Variants in TSPAN19 observed in about 807,000 individuals in gnomAD.
TSPAN19 encodes tetraspanin-19.
A neutral mutation model predicts 35.1 loss-of-function variants in TSPAN19; 44 were observed. The ratio of observed to expected loss-of-function variants is 1.25; its 90% CI spans 0.98 to 1.61. TSPAN19 has a LOEUF of 1.61. Ranked by LOEUF, TSPAN19 falls within the 40% of genes most tolerant of loss-of-function variation. TSPAN19 has a pLI of 0.00. For missense variants in TSPAN19, 290 were observed against 280.0 expected, an observed-to-expected ratio of 1.04 and a Z score of -0.26; for synonymous variants, 79 against 92.0, an observed-to-expected ratio of 0.86 and a Z score of 0.81.
At chr12:85,026,499 G>A (rs1877419784) in intron 4 of TSPAN19, among the ~76,000 whole-genome samples, 1 of 152,104 alleles carries the variant, frequency 6.6e-6, no homozygotes, top group Admixed American at 6.6e-5. Context: ...TCCTGGCACT[G>A]CCCTGGTAAG....
At chr12:85,033,138 T>C (rs904915006) in intron 1 of TSPAN19, among the ~76,000 whole-genome samples, 5 of 151,972 alleles carry the variant, frequency 3.3e-5, no homozygotes, top group Admixed American at 6.6e-5. Flanking sequence ...GAGAAGATGA[T>C]TTTGAGATGA....
Position 85,023,406 on chromosome 12 carries a change from A to G in TSPAN19, c.265-6T>C. The G allele has an allele frequency of 6.4e-7, 1 of 1,567,098 alleles. No individual in the cohort carries two copies. Among genetic ancestry groups the G allele is most frequent in the Non-Finnish European group, 8.7e-7 (1 of 1,154,246 alleles). On this transcript the variant is annotated splice_region_variant and splice_polypyrimidine_tract_variant and intron_variant, in intron 4 of 8. Coordinates refer to ENST00000532498, the MANE Select transcript of TSPAN19 (RefSeq NM_001100917.2). ...CATGTTATCAATACTGCATACTAAA[A>G]CAAAAGAAAAATAGAGATGATGACT...
intron 6 of TSPAN19, among the ~76,000 whole-genome samples, chr12:85,019,257 G>A (rs112297174): frequency 2.2e-4 from 34 of 152,000 alleles, no homozygotes; most frequent in African/African-American, 7.7e-4. Context: ...CAAAGCTATT[G>A]CACAGCAATC....
chr12:85,021,313 A>C (rs1459562271), intron 5 of TSPAN19, among the ~76,000 whole-genome samples: 1 of 152,026 alleles, frequency 6.6e-6, no homozygotes, highest in African/African-American at 2.4e-5. Flanking sequence ...ACTGGTGGGA[A>C]TATCACAGTA....
chr12:85,015,886 A>G lies in TSPAN19; in HGVS notation c.678+2T>C. ...CATTTTAACATATGAACAAAAGCTT[A>G]CCTCTGAAGTTAAAAGTCCAAAGTT... On this transcript the variant is annotated splice_donor_variant, in intron 8 of 8. Transcript: ENST00000532498. LOFTEE classifies it high-confidence loss of function. The G allele has an allele frequency of 1.9e-6, 3 of 1,539,492 alleles. No homozygotes were observed. Among genetic ancestry groups the G allele is most frequent in the Non-Finnish European group, 1.8e-6 (2 of 1,138,336 alleles).
intron 4 of TSPAN19, among the ~76,000 whole-genome samples, chr12:85,026,250 A>C (rs547881473): frequency 6.6e-6 from 1 of 152,288 alleles, no homozygotes; most frequent in South Asian, 2.1e-4. Flanking sequence ...CAAGAAGAAA[A>C]AAATCAAGGT....
At chr12:85,029,667 T>A in intron 3 of TSPAN19, 52 bp downstream of exon 3, 4 of 1,355,226 alleles carry the variant, frequency 3.0e-6, no homozygotes, top group Non-Finnish European at 4.0e-6. Flanking sequence ...TATACAACTG[T>A]TAAAAATTGA....
At chr12:85,027,424 C>G (rs747075942) in intron 4 of TSPAN19, among the ~76,000 whole-genome samples, 10 of 151,892 alleles carry the variant, frequency 6.6e-5, no homozygotes, top group Non-Finnish European at 1.3e-4. Context: ...GCACATGTAC[C>G]CTGAATATAC....
intron 4 of TSPAN19, among the ~76,000 whole-genome samples, chr12:85,025,011 A>T (rs1176587879): frequency 6.6e-6 from 1 of 152,160 alleles, no homozygotes; most frequent in Non-Finnish European, 1.5e-5. Context: ...AGAGAAAAAA[A>T]AATTCAGAGA....
chr12:85,023,627 A>G (rs1017788196), intron 4 of TSPAN19, among the ~76,000 whole-genome samples: 4 of 152,170 alleles, frequency 2.6e-5, no homozygotes, highest in Non-Finnish European at 5.9e-5. Context: ...AAGTGATAGT[A>G]ATTAATGAGC....
At chr12:85,017,388 T>C (rs949380712) in intron 7 of TSPAN19, 68 bp downstream of exon 7, 52 of 1,433,864 alleles carry the variant, frequency 3.6e-5, no homozygotes, top group Non-Finnish European at 4.6e-5. Context: ...CTCAGAATTC[T>C]AAATTGACTT....
chr12:85,024,930 T>G (rs1047820801), intron 4 of TSPAN19, among the ~76,000 whole-genome samples: 4 of 152,130 alleles, frequency 2.6e-5, no homozygotes, highest in Admixed American at 6.6e-5. Context: ...TTACACATAT[T>G]TTATACATCT....
chr12:85,023,449 T>G (rs1478175132), intron 4 of TSPAN19, 49 bp from the exon 5 acceptor site: 1 of 1,401,470 alleles, frequency 7.1e-7, no homozygotes, highest in Non-Finnish European at 9.8e-7. Flanking sequence ...TAATATATGT[T>G]TTGTATGCTC....
intron 1 of TSPAN19, among the ~76,000 whole-genome samples, chr12:85,030,577 T>C (rs912194795): frequency 2.0e-5 from 3 of 152,102 alleles, no homozygotes; most frequent in African/African-American, 7.2e-5. Context: ...GTATGTCTTA[T>C]ATACCATTGT....
At chr12:85,023,969 C>T (rs1030876213) in intron 4 of TSPAN19, among the ~76,000 whole-genome samples, 2 of 150,870 alleles carry the variant, frequency 1.3e-5, no homozygotes, top group Non-Finnish European at 2.9e-5. Context: ...TGTTGTCCAC[C>T]TAAAAAAAAG....
chr12:85,014,579 A>C, intron 8 of TSPAN19, 24 bp from the exon 9 acceptor site: 1 of 1,537,292 alleles, frequency 6.5e-7, no homozygotes. Flanking sequence ...GAACAATAAG[A>C]GATTAAAATT....
intron 5 of TSPAN19, among the ~76,000 whole-genome samples, chr12:85,020,707 T>C (rs1877074453): frequency 6.6e-6 from 1 of 152,040 alleles, no homozygotes; most frequent in African/African-American, 2.4e-5. Context: ...CCAAGAAGCA[T>C]CTGAACAGAC....
At chr12:85,019,493 T>G in intron 6 of TSPAN19, 133 bp downstream of exon 6, 1 of 572,002 alleles carries the variant, frequency 1.7e-6, no homozygotes, top group Non-Finnish European at 3.1e-6. Context: ...AGAATGCCCT[T>G]TTTGCCCAGT....
rs1263463533 is a variant in TSPAN19, at chr12:85,014,416, T to G, written c.*71A>C. 2 of 1,122,814 alleles carry G rather than the reference T, an allele frequency of 1.8e-6. No homozygotes were observed. The highest frequency in any genetic ancestry group is 5.2e-5 in the East Asian group (2 of 38,814). The allele number at this position is 1,122,814 out of a possible 1,614,324, so 69.6% of individuals were successfully genotyped here. A position where few individuals can be genotyped will look rare whatever the true frequency, so the allele number is the denominator to read the frequency against. On this transcript the variant is annotated 3_prime_UTR_variant, in exon 9 of 9. Coordinates refer to ENST00000532498, the MANE Select transcript of TSPAN19 (RefSeq NM_001100917.2). The stretch of plus-strand genomic sequence containing the variant: ...TATTTAATACAATTCAAAACGTTTT[T>G]GGAATAAAATAATATAATGTGATTT...
Sources: allele counts gnomAD v4.1 joint callset (sites outside exome capture counted in the v4.1 genomes callset), GRCh38; gene constraint gnomAD v4.1.1; transcripts MANE v1.5; gene names NCBI Gene and HGNC (gene_info 2026-07-23, HGNC 2026-07-21).